SLC5A7: variants seen among roughly 807,000 people sequenced by gnomAD.
SLC5A7 encodes high affinity choline transporter 1.
Under a neutral mutation model 55.4 loss-of-function variants are expected in SLC5A7, and 19 were observed. The observed-to-expected ratio is 0.34, with a 90% CI of 0.24 to 0.50. SLC5A7 has a LOEUF of 0.50. Ranked by LOEUF, SLC5A7 falls within the 20% of genes least tolerant of loss-of-function variation. SLC5A7 has a pLI of 0.98. For synonymous variants in SLC5A7, 265 were observed against 263.7 expected, an observed-to-expected ratio of 1.00 and a Z score of -0.05; for missense variants, 506 against 705.3, an observed-to-expected ratio of 0.72 and a Z score of 3.20.
chr2:107,996,736 C>A (rs1048594939), intron 4 of SLC5A7, among the ~76,000 whole-genome samples: 1 of 152,096 alleles, frequency 6.6e-6, no homozygotes, highest in Admixed American at 6.5e-5. Context: ...TAGGGACCAA[C>A]AAACACAATA....
intron 2 of SLC5A7, among the ~76,000 whole-genome samples, chr2:107,989,922 A>AAAT (rs1416197285): frequency 6.6e-6 from 1 of 152,080 alleles, no homozygotes; most frequent in East Asian, 1.9e-4. Context: ...AAGGTACGGA[A>AAAT]AATATTTGAA....
intron 4 of SLC5A7, among the ~76,000 whole-genome samples, chr2:107,997,307 C>T (rs983999936): frequency 2.6e-5 from 4 of 152,246 alleles, no homozygotes; most frequent in South Asian, 2.1e-4. Context: ...GTGTTTAGTA[C>T]GGTAACAATC....
intron 2 of SLC5A7, among the ~76,000 whole-genome samples, chr2:107,991,020 C>T (rs1677433187): frequency 6.6e-6 from 1 of 152,140 alleles, no homozygotes; most frequent in South Asian, 2.1e-4. Flanking sequence ...TGTACTGTAA[C>T]CTCAACAAGG....
chr2:108,006,310 AC>A, intron 7 of SLC5A7, 108 bp downstream of exon 7: 2 of 1,234,286 alleles, frequency 1.6e-6, no homozygotes, highest in Non-Finnish European at 2.3e-6. Context: ...ATTCTTTCTC[AC>A]CACATTCATA....
At chr2:107,999,732 A>G (rs1677811379) in intron 5 of SLC5A7, among the ~76,000 whole-genome samples, 1 of 152,142 alleles carries the variant, frequency 6.6e-6, no homozygotes, top group Non-Finnish European at 1.5e-5. Flanking sequence ...TGGAGCTCCA[A>G]AACTGTAAAC....
intron 5 of SLC5A7, among the ~76,000 whole-genome samples, chr2:107,999,074 G>A (rs1677785818): frequency 6.6e-6 from 1 of 152,092 alleles, no homozygotes; most frequent in Admixed American, 6.5e-5. Flanking sequence ...CGCTAGCAAA[G>A]ATTATAGTAT....
chr2:108,002,263 C>A (rs886540099), intron 6 of SLC5A7, among the ~76,000 whole-genome samples: 4 of 152,024 alleles, frequency 2.6e-5, no homozygotes, highest in African/African-American at 9.7e-5. Flanking sequence ...ATAAGGTGTT[C>A]TGGGTGGTGG....
intron 5 of SLC5A7, among the ~76,000 whole-genome samples, chr2:107,999,328 G>A (rs1370931740): frequency 1.3e-5 from 2 of 152,156 alleles, no homozygotes; most frequent in East Asian, 3.8e-4. Context: ...AGGTTGGTTT[G>A]GCAATGACAG....
chr2:108,010,661 G>C lies in SLC5A7; in HGVS notation c.1543G>C (p.Asp515His). ...GTLPPKLDVF[D>H]AVVARHSEEN... is the part of the protein sequence containing the mutation. ...CTTGCCACCTAAATTAGATGTATTTGATGCTGTTGTTGCAAGACACAGTGA... is the reference window on the plus strand; with the variant it reads ...CTTGCCACCTAAATTAGATGTATTTCATGCTGTTGTTGCAAGACACAGTGA... Residue 515 changes from aspartate to histidine, a missense_variant, in exon 9 of 9, where the codon GAT becomes CAT. Asp to His is a moderately conservative substitution (Grantham distance 81). Transcript: ENST00000264047. The C allele has an allele frequency of 3.7e-6, 6 of 1,613,926 alleles. 1 individual carries two copies. In the South Asian group the frequency reaches 4.4e-5, roughly 12 times the overall value.
At chr2:107,997,320 C>A (rs1429448942) in intron 4 of SLC5A7, among the ~76,000 whole-genome samples, 3 of 152,182 alleles carry the variant, frequency 2.0e-5, no homozygotes, top group Non-Finnish European at 4.4e-5. Flanking sequence ...TAACAATCTG[C>A]ACGAATTTGT....
At position 108,006,286 on chromosome 2, in the gene SLC5A7, C is replaced by G. The variant is rs528891586; in HGVS notation, c.895+84C>G. 7.5e-6 allele frequency: 11 copies of G among 1,471,822 alleles called. No homozygotes were observed. In the South Asian group the frequency reaches 1.3e-4, roughly 18 times the overall value. 91.2% of individuals were successfully genotyped at this position (1,471,822 alleles called of 1,614,324 possible). On this transcript the variant is annotated intron_variant, in intron 7 of 8. Coordinates refer to ENST00000264047, the MANE Select transcript of SLC5A7 (RefSeq NM_021815.5). ...ACCCTTCTGTCCCACTCCCCTCTTTCCTCCACATAGTGAATTCTTTCTCAC... is the reference window on the plus strand; with the variant it reads ...ACCCTTCTGTCCCACTCCCCTCTTTGCTCCACATAGTGAATTCTTTCTCAC...
chr2:108,013,431 C>A lies in SLC5A7; in HGVS notation c.*2570C>A, dbSNP rs1056593588. ...AGGAAGGAAACAATGGTCACAAGGT[C>A]TTTACTTATGCACATTTGTGCATAA... On this transcript the variant is annotated 3_prime_UTR_variant, in exon 9 of 9. Coordinates refer to ENST00000264047, the MANE Select transcript of SLC5A7 (RefSeq NM_021815.5). 3.9e-5 allele frequency: 6 copies of A among 151,984 alleles called. No homozygotes were observed. Among genetic ancestry groups the A allele is most frequent in the Non-Finnish European group, 7.4e-5 (5 of 68,008 alleles). 9.4% of individuals were successfully genotyped at this position (151,984 alleles called of 1,614,324 possible). A position where few individuals can be genotyped will look rare whatever the true frequency, so the allele number is the denominator to read the frequency against.
In SLC5A7 at chr2:108,008,677, C is replaced by A. The variant is rs1678207919; in HGVS notation, c.1108C>A (p.Gln370Lys). 3 of 1,612,186 alleles carry A rather than the reference C, an allele frequency of 1.9e-6. No individual in the cohort carries two copies. The highest frequency in any genetic ancestry group is 2.5e-6 in the Non-Finnish European group (3 of 1,179,276). ...ARNIYQLSFR[Q>K]NASDKEIVWV... Reference sequence around the variant, plus strand: ...GAACATCTACCAGCTTTCCTTCAGACAAAATGTAAGAACAGTTTCTTTCAA... The same window carrying A: ...GAACATCTACCAGCTTTCCTTCAGAAAAAATGTAAGAACAGTTTCTTTCAA... The change falls in exon 8 of 9, where the codon CAA (glutamine) becomes AAA (lysine). Residue 370 changes from glutamine to lysine, a missense_variant. Physicochemically the swap from Gln to Lys is moderately conservative, Grantham distance 53 (BLOSUM62 1). This residue lies in a region of SLC5A7 where 309 missense variants were observed against 478.6 expected (regional missense o/e 0.65). Transcript: ENST00000264047.
At position 108,008,956 on chromosome 2, in the gene SLC5A7, T is replaced by C. The variant is rs368359221; in HGVS notation, c.1113+274T>C. Among the ~76,000 whole-genome samples, 57 of 152,066 alleles carry C rather than the reference T, an allele frequency of 3.7e-4. 1 individual carries two copies. The South Asian group carries it at 0.011, about 31-fold the overall frequency. On this transcript the variant is annotated intron_variant, in intron 8 of 8. Coordinates refer to ENST00000264047, the MANE Select transcript of SLC5A7 (RefSeq NM_021815.5). Reference sequence around the variant, plus strand: ...AGGGCTATCATTTAACCTTTTTGTCTTTCTGATGAAAGAGTAATGAAACCT... The same window carrying C: ...AGGGCTATCATTTAACCTTTTTGTCCTTCTGATGAAAGAGTAATGAAACCT...
chr2:107,997,807 C>A (rs1166687763), intron 4 of SLC5A7, 31 bp from the exon 5 acceptor site: 1 of 1,577,244 alleles, frequency 6.3e-7, no homozygotes, highest in Admixed American at 1.8e-5. Flanking sequence ...GTCTGGGCAC[C>A]TTGACCACAG....
intron 5 of SLC5A7, among the ~76,000 whole-genome samples, chr2:108,000,568 G>A (rs1461165193): frequency 6.6e-6 from 1 of 152,142 alleles, no homozygotes; most frequent in African/African-American, 2.4e-5. Context: ...AAAGTGCTAC[G>A]ATTATAGGCA....
At chr2:107,998,054 A>C in intron 5 of SLC5A7, 68 bp downstream of exon 5, 38 of 1,391,624 alleles carry the variant, frequency 2.7e-5, no homozygotes, top group Non-Finnish European at 3.5e-5. Flanking sequence ...ATACTAACTC[A>C]TTAAAAATGA....
Position 107,996,430 on chromosome 2 carries a change from G to T in SLC5A7, c.449-1408G>T, listed in dbSNP as rs1368263985. Among the ~76,000 whole-genome samples the T allele has an allele frequency of 2.0e-5, 3 of 151,916 alleles. No homozygotes were observed. In the East Asian group the frequency reaches 5.8e-4, roughly 29 times the overall value. On this transcript the variant is annotated intron_variant, in intron 4 of 8. Transcript: ENST00000264047. ...AAAAATATTTCTTACTGATATTTTGGATCAACACATCTTATATTGAGATAA... is the reference window on the plus strand; with the variant it reads ...AAAAATATTTCTTACTGATATTTTGTATCAACACATCTTATATTGAGATAA...
Position 108,010,232 on chromosome 2 carries a change from G to A in SLC5A7, c.1114G>A (p.Ala372Thr), listed in dbSNP as rs2104382559. The change falls in exon 9 of 9, where the codon GCT becomes ACT. Residue 372 changes from alanine to threonine, a missense_variant and splice_region_variant. Around this residue, in one of 4 missense-constraint regions of SLC5A7, gnomAD observed 309 missense variants for 478.6 expected, o/e 0.65. Transcript: ENST00000264047. ...NIYQLSFRQN[A>T]SDKEIVWVMR... ...CTGACACTGTGGCAATTTCTTACAG[G>A]CTTCGGACAAAGAAATCGTTTGGGT... 1 of 1,611,576 alleles carries A rather than the reference G, an allele frequency of 6.2e-7. No homozygotes were observed. The highest frequency in any genetic ancestry group is 1.1e-5 in the South Asian group (1 of 90,768).
Sources: gnomAD v4.1 joint callset for allele counts (sites outside exome capture counted in the v4.1 genomes callset) on GRCh38, gnomAD v4.1.1 for gene constraint, gnomAD v4.1.1 regional missense constraint, MANE v1.5 for transcripts, NCBI Gene and HGNC (gene_info 2026-07-23, HGNC 2026-07-21) for gene names.